The following DNAH9 variants were observed in gnomAD, a reference collection of about 807,000 sequenced individuals.
The protein encoded by DNAH9 is DNAH9 variant protein.
Under a neutral mutation model 471.6 loss-of-function variants are expected in DNAH9, and 345 were observed. That is an observed-to-expected ratio of 0.73 (90% CI 0.67 to 0.80). The LOEUF is 0.80. DNAH9 is among the 30% of genes least tolerant of loss of function. The pLI is 0.00. For missense variants in DNAH9, 5,407 were observed against 5,609.2 expected (o/e 0.96, Z 1.15); for synonymous variants, 2,093 against 2,123.6 (o/e 0.99, Z 0.40).
chr17:11,602,534 T>C (rs974210007), intron 1 of DNAH9, among the ~76,000 whole-genome samples: 10 of 152,106 alleles, frequency 6.6e-5, no homozygotes, highest in African/African-American at 2.4e-4. Context: ...CCAGTTTGAA[T>C]CTCCTGTCAT....
intron 17 of DNAH9, among the ~76,000 whole-genome samples, chr17:11,676,957 GTTT>G (rs996345972): frequency 6.6e-6 from 1 of 151,750 alleles, no homozygotes; most frequent in Non-Finnish European, 1.5e-5. Flanking sequence ...TCTAGTTATA[GTTT>G]TTTATTAATT....
chr17:11,634,922 C>CA (rs11355992), intron 8 of DNAH9, among the ~76,000 whole-genome samples: 3 of 151,954 alleles, frequency 2.0e-5, no homozygotes, highest in East Asian at 1.9e-4. Context: ...GCCAGTGAAG[C>CA]AAAAAAATGG....
intron 24 of DNAH9, among the ~76,000 whole-genome samples, chr17:11,702,638 G>A (rs963834146): frequency 2.0e-5 from 3 of 152,186 alleles, no homozygotes; most frequent in Non-Finnish European, 4.4e-5. Context: ...GCAAGAAACT[G>A]TTGGTAGCAG....
At chr17:11,818,579 A>G (rs1287143978) in intron 45 of DNAH9, among the ~76,000 whole-genome samples, 1 of 152,188 alleles carries the variant, frequency 6.6e-6, no homozygotes, top group Non-Finnish European at 1.5e-5. Flanking sequence ...AAATTTTACA[A>G]AAGCATCATG....
At position 11,738,922 on chromosome 17, in the gene DNAH9, T is replaced by G. The variant is rs1450284977; in HGVS notation, c.5857T>G (p.Phe1953Val). Reference protein sequence around the residue: ...QDAIRDKKQWFSFLGEEISLN... With the variant: ...QDAIRDKKQWVSFLGEEISLN... ...TGCGATTAGAGATAAGAAGCAGTGG[T>G]TCAGCTTCCTTGGGGAGGAGATCAG... Residue 1953 changes from phenylalanine (F) to valine (V), a missense_variant, in exon 29 of 69, where the codon TTC becomes GTC. By Grantham distance (50) the Phe-to-Val change is conservative. This residue lies in a region of DNAH9 where 4,636 missense variants were observed against 4,900.3 expected (regional missense o/e 0.95). Transcript: ENST00000262442. 1 of 1,614,084 alleles carries G rather than the reference T, an allele frequency of 6.2e-7. No individual in the cohort carries two copies. The highest frequency in any genetic ancestry group is 8.5e-7 in the Non-Finnish European group (1 of 1,179,928).
Position 11,930,003 on chromosome 17 carries a change from G to C in DNAH9, c.12015G>C (p.Gln4005His). ...CCCCTGAGGGCCACATCATCCCCCA[G>C]GGCATCCTGGAGAACTCCATTAAGA... The part of the protein sequence containing the change: ...APSPEGHIIP[Q>H]GILENSIKIT... Residue 4005 changes from glutamine (Q) to histidine (H), a missense_variant, in exon 63 of 69, where the codon CAG (glutamine) becomes CAC (histidine). Coordinates refer to ENST00000262442, the MANE Select transcript of DNAH9 (RefSeq NM_001372.4). 1 of 1,614,084 alleles carries C rather than the reference G, an allele frequency of 6.2e-7. No homozygotes were observed. Among genetic ancestry groups the C allele is most frequent in the Non-Finnish European group, 8.5e-7 (1 of 1,180,006 alleles).
chr17:11,777,334 T>A (rs918340491), intron 38 of DNAH9, among the ~76,000 whole-genome samples: 3 of 152,242 alleles, frequency 2.0e-5, no homozygotes, highest in Admixed American at 2.0e-4. Flanking sequence ...CTGTATTGTT[T>A]AGCAATCCCT....
chr17:11,721,265 G>T (rs568659074), intron 27 of DNAH9, among the ~76,000 whole-genome samples: 7 of 151,846 alleles, frequency 4.6e-5, no homozygotes, highest in African/African-American at 7.2e-5. Flanking sequence ...TGTTTTTTTT[G>T]TTTGTTTTTT....
Position 11,897,573 on chromosome 17 carries a change from C to T in DNAH9, c.11406+3077C>T, listed in dbSNP as rs141415103. Among the ~76,000 whole-genome samples, 735 of 152,222 alleles carry T rather than the reference C, an allele frequency of 4.8e-3. 6 individuals carry two copies. The highest frequency in any genetic ancestry group is 9.8e-3 in the Admixed American group (150 of 15,284). On this transcript the variant is annotated intron_variant, in intron 59 of 68. Transcript: ENST00000262442. ...CGGAAAATAAGTTTGTTCTGTAAAG[C>T]GGTTCTGAATGAACCCCTTTGCAGA... is the stretch of plus-strand genomic sequence containing the variant.
At chr17:11,757,466 A>C in intron 34 of DNAH9, 79 bp from the exon 35 acceptor site, 4 of 1,313,174 alleles carry the variant, frequency 3.0e-6, no homozygotes, top group South Asian at 1.4e-5. Flanking sequence ...TTTTCCAAAC[A>C]GAGAAAATAA....
At chr17:11,672,749 A>G (rs57738949) in intron 17 of DNAH9, among the ~76,000 whole-genome samples, 30,023 of 151,282 alleles carry the variant, frequency 0.2, 3,286 homozygotes, top group African/African-American at 0.3. Flanking sequence ...CCTTCACTCT[A>G]CCATACCTCT....
chr17:11,879,467 T>A (rs943858785), intron 53 of DNAH9, among the ~76,000 whole-genome samples: 1 of 152,194 alleles, frequency 6.6e-6, no homozygotes, highest in African/African-American at 2.4e-5. Flanking sequence ...TTGTTTGAGT[T>A]GTATTATATC....
intron 37 of DNAH9, among the ~76,000 whole-genome samples, chr17:11,768,879 GAGAA>G (rs759146612): frequency 2.6e-5 from 4 of 152,190 alleles, no homozygotes; most frequent in Non-Finnish European, 5.9e-5. Context: ...AGAGGCCACA[GAGAA>G]AGAGGCCCGG....
At chr17:11,903,894 G>C (rs1282811057) in intron 60 of DNAH9, among the ~76,000 whole-genome samples, 1 of 143,432 alleles carries the variant, frequency 7.0e-6, no homozygotes. Context: ...CTGGGCAACA[G>C]AGGGAGACTC....
intron 63 of DNAH9, among the ~76,000 whole-genome samples, chr17:11,931,465 T>G (rs188902970): frequency 1.3e-5 from 2 of 152,198 alleles, no homozygotes; most frequent in African/African-American, 4.8e-5. Flanking sequence ...AAGATTTTAC[T>G]GACTGTGTGA....
intron 5 of DNAH9, 68 bp from the exon 6 acceptor site, chr17:11,619,480 A>G: frequency 2.4e-6 from 2 of 838,508 alleles, no homozygotes; most frequent in Non-Finnish European, 4.1e-6. Context: ...GATTCAGTTC[A>G]GAGTTGGTGT....
intron 15 of DNAH9, among the ~76,000 whole-genome samples, chr17:11,667,063 A>G (rs1473306994): frequency 6.6e-6 from 1 of 152,226 alleles, no homozygotes; most frequent in Admixed American, 6.5e-5. Context: ...GCTTTGGATG[A>G]TAATTACATT....
intron 67 of DNAH9, among the ~76,000 whole-genome samples, chr17:11,957,506 A>C (rs1264026957): frequency 6.6e-6 from 1 of 151,848 alleles, no homozygotes; most frequent in Non-Finnish European, 1.5e-5. Flanking sequence ...TCAGGACCCA[A>C]GAAGGGACAT....
intron 48 of DNAH9, among the ~76,000 whole-genome samples, chr17:11,823,727 C>T (rs916195622): frequency 2.6e-5 from 4 of 151,948 alleles, no homozygotes; most frequent in African/African-American, 4.8e-5. Flanking sequence ...GTCAGGAGAT[C>T]GAGACCATCC....
Sources: gnomAD v4.1 joint callset for allele counts (sites outside exome capture counted in the v4.1 genomes callset) on GRCh38, gnomAD v4.1.1 for gene constraint, gnomAD v4.1.1 regional missense constraint, MANE v1.5 for transcripts, NCBI Gene and HGNC (gene_info 2026-07-23, HGNC 2026-07-21) for gene names.